Variants in AP1S3 observed in about 807,000 individuals in gnomAD.
AP1S3 encodes the protein adaptor related protein complex 1 subunit sigma 3.
Under a neutral mutation model 20.9 loss-of-function variants are expected in AP1S3, and 10 were observed. The ratio of observed to expected loss-of-function variants is 0.48; its 90% confidence interval spans 0.29 to 0.81. AP1S3 has a LOEUF of 0.81. Ranked by LOEUF, AP1S3 falls within the 30% of genes least tolerant of loss-of-function variation. The probability of loss-of-function intolerance (pLI) is 0.08; values close to 1 mark genes in which losing one functional copy is unlikely to be tolerated. For synonymous variants in AP1S3, 41 were observed against 61.5 expected, an observed-to-expected ratio of 0.67 and a Z score of 1.56; for missense variants, 154 against 183.8, an observed-to-expected ratio of 0.84 and a Z score of 0.94.
At chr2:223,808,244 C>T (rs751635707) in intron 1 of AP1S3, among the ~76,000 whole-genome samples, 2 of 152,132 alleles carry the variant, frequency 1.3e-5, no homozygotes, top group African/African-American at 2.4e-5. Flanking sequence ...CAAGGTTCAA[C>T]GAGAACCCTA....
At chr2:223,765,644 A>G (rs1248480598) in intron 3 of AP1S3, among the ~76,000 whole-genome samples, 1 of 152,212 alleles carries the variant, frequency 6.6e-6, no homozygotes, top group East Asian at 1.9e-4. Flanking sequence ...TATCTGCACC[A>G]AGAAAACTGA....
At chr2:223,821,182 C>G (rs1691979884) in intron 1 of AP1S3, among the ~76,000 whole-genome samples, 1 of 152,128 alleles carries the variant, frequency 6.6e-6, no homozygotes, top group South Asian at 2.1e-4. Flanking sequence ...ATGGCAGAGT[C>G]TCACACTGTC....
intron 1 of AP1S3, among the ~76,000 whole-genome samples, chr2:223,825,328 G>C (rs924420000): frequency 2.7e-5 from 4 of 149,140 alleles, no homozygotes; most frequent in Middle Eastern, 3.5e-3. Context: ...AAAAAGAAAA[G>C]AAAACAGTTC....
chr2:223,780,292 TATATATATATATATATAGAGAGAGAGAG>T (rs1559280631), intron 1 of AP1S3, among the ~76,000 whole-genome samples: 5 of 45,086 alleles, frequency 1.1e-4, no homozygotes, highest in Non-Finnish European at 4.0e-5. Context: ...TATATATATA[TATATATATATATATATAGAGAGAGAGAG>T]AGAGAGAGAG....
chr2:223,828,304 T>C (rs1284902356), intron 1 of AP1S3, among the ~76,000 whole-genome samples: 1 of 148,412 alleles, frequency 6.7e-6, no homozygotes, highest in Non-Finnish European at 1.5e-5. Flanking sequence ...TCTTTTTTTT[T>C]TTTTTTTTTT....
At chr2:223,828,632 C>T (rs1439069951) in intron 1 of AP1S3, among the ~76,000 whole-genome samples, 3 of 152,108 alleles carry the variant, frequency 2.0e-5, no homozygotes, top group African/African-American at 7.2e-5. Flanking sequence ...TGAGAGAACT[C>T]CTCACCAAGA....
intron 1 of AP1S3, among the ~76,000 whole-genome samples, chr2:223,823,825 A>G (rs1284014812): frequency 2.6e-5 from 4 of 152,240 alleles, no homozygotes; most frequent in Non-Finnish European, 5.9e-5. Context: ...TGCAATGTGT[A>G]TACATATCAA....
intron 1 of AP1S3, 25 bp downstream of exon 1, chr2:223,837,423 G>A (rs753424166): frequency 1.1e-5 from 13 of 1,170,786 alleles, no homozygotes; most frequent in Non-Finnish European, 1.4e-5. Context: ...CCGCCTACCC[G>A]GGCCGGCGGT....
At chr2:223,770,360 T>C in intron 3 of AP1S3, 1 of 1,548,882 alleles carries the variant, frequency 6.5e-7, no homozygotes, top group Non-Finnish European at 8.7e-7. Flanking sequence ...TAATGAAAAT[T>C]CTCCAGGAAC....
At chr2:223,770,343 C>G (rs1313896367) in intron 3 of AP1S3, 89 of 1,549,726 alleles carry the variant, frequency 5.7e-5, no homozygotes, top group Middle Eastern at 1.7e-4. Flanking sequence ...GTGAACCTGA[C>G]AGATACTAAT....
chr2:223,770,282 AAGAC>A, intron 3 of AP1S3: 1 of 1,550,636 alleles, frequency 6.4e-7, no homozygotes. Flanking sequence ...CCAGGAATCC[AAGAC>A]AGACAGGAGC....
chr2:223,820,329 T>G (rs1451625170), intron 1 of AP1S3, among the ~76,000 whole-genome samples: 1 of 152,154 alleles, frequency 6.6e-6, no homozygotes, highest in Non-Finnish European at 1.5e-5. Flanking sequence ...GCTTGGAATG[T>G]AATATGCATC....
chr2:223,768,500 G>A (rs953574371), intron 3 of AP1S3, among the ~76,000 whole-genome samples: 5 of 152,004 alleles, frequency 3.3e-5, no homozygotes, highest in Non-Finnish European at 7.4e-5. Context: ...TTATATCCCT[G>A]GTTTCTGGCA....
At chr2:223,835,586 T>C (rs919438155) in intron 1 of AP1S3, among the ~76,000 whole-genome samples, 2 of 152,008 alleles carry the variant, frequency 1.3e-5, no homozygotes, top group Non-Finnish European at 2.9e-5. Flanking sequence ...ACTCGGGAGA[T>C]GGAGGTTGCA....
At position 223,820,055 on chromosome 2, in the gene AP1S3, G is replaced by A. The variant is rs1419637281; in HGVS notation, c.3+17393C>T. On this transcript the variant is annotated intron_variant, in intron 1 of 4. Transcript: ENST00000396654. ...TGCAAATTTTATTGGCATAATGTTT[G>A]CTAAACTAATTGCTCCAGAATTCCT... Among the ~76,000 whole-genome samples, 6 of 152,228 alleles carry A rather than the reference G, an allele frequency of 3.9e-5. No homozygotes were observed. In the East Asian group the frequency reaches 1.2e-3, roughly 29 times the overall value.
intron 1 of AP1S3, among the ~76,000 whole-genome samples, chr2:223,782,889 T>C (rs1690983791): frequency 6.6e-6 from 1 of 152,196 alleles, no homozygotes; most frequent in Non-Finnish European, 1.5e-5. Flanking sequence ...ACTGGCAGAA[T>C]GAATTGTAAT....
intron 1 of AP1S3, among the ~76,000 whole-genome samples, chr2:223,821,055 C>T (rs1460285107): frequency 6.6e-6 from 1 of 152,232 alleles, no homozygotes; most frequent in African/African-American, 2.4e-5. Flanking sequence ...GAGAGAAACC[C>T]TCTATTTAGA....
chr2:223,756,736 C>G lies in AP1S3; in HGVS notation c.*1979G>C. ...ATTTTTCCCTTTGTTCTCCTGCTTG[C>G]TTTGCTGTTTTCCCTAAATATGTCT... On this transcript the variant is annotated 3_prime_UTR_variant, in exon 5 of 5. Transcript: ENST00000396654. 1.0e-6 allele frequency: 1 copy of G among 985,368 alleles called. No homozygotes were observed. Among genetic ancestry groups the G allele is most frequent in the Non-Finnish European group, 1.2e-6 (1 of 829,910 alleles). The allele number at this position is 985,368 out of a possible 1,614,324, so 61.0% of individuals were successfully genotyped here.
chr2:223,778,107 TTTTGTTTTTTTTG>T (rs1559279761), intron 1 of AP1S3, among the ~76,000 whole-genome samples: 3 of 151,160 alleles, frequency 2.0e-5, no homozygotes, highest in African/African-American at 7.4e-5. Flanking sequence ...ATAAGTTTTT[TTTTGTTTTTTTTG>T]TTTGTTTGTT....
Sources: gnomAD v4.1 joint callset for allele counts (sites outside exome capture counted in the v4.1 genomes callset) on GRCh38, gnomAD v4.1.1 for gene constraint, MANE v1.5 for transcripts, NCBI Gene and HGNC (gene_info 2026-07-23, HGNC 2026-07-21) for gene names.